H2BC12: variants seen among roughly 807,000 people sequenced by gnomAD.
H2BC12 encodes the protein histone H2B type 1-K.
In H2BC12, 6 loss-of-function variants were observed where a neutral mutation model predicts 6.3. The observed-to-expected ratio is 0.95, with a 90% confidence interval of 0.52 to 1.87. H2BC12 has a LOEUF of 1.87. Among genes scored for constraint, H2BC12 ranks in the 40% most tolerant of loss-of-function variants. The pLI is 0.01. For synonymous variants in H2BC12, 132 were observed against 78.5 expected (o/e 1.68, Z -3.60); for missense variants, 119 against 178.4 (o/e 0.67, Z 1.90).
downstream of H2BC12, among the ~76,000 whole-genome samples, chr6:27,145,770 T>C (rs1447911313): frequency 1.3e-5 from 2 of 152,228 alleles, no homozygotes; most frequent in African/African-American, 4.8e-5. Context: ...TGATTTCATG[T>C]TCCGTTTCTT....
At chr6:27,139,398 C>T in the H2BC12 span, 4 of 1,614,234 alleles carry the variant, frequency 2.5e-6, no homozygotes, top group Non-Finnish European at 3.4e-6. Context: ...TCCAGGGTAT[C>T]ACCAAGCCAG....
downstream of H2BC12, among the ~76,000 whole-genome samples, chr6:27,144,631 G>A (rs1426968766): frequency 6.6e-6 from 1 of 151,648 alleles, no homozygotes; most frequent in Non-Finnish European, 1.5e-5. Context: ...GAGCAAAAAG[G>A]ACTGAAAGTA....
chr6:27,139,200 G>C, the H2BC12 span: 1 of 1,268,582 alleles, frequency 7.9e-7, no homozygotes, highest in African/African-American at 1.5e-5. Flanking sequence ...CCAATGCAGA[G>C]GGACTTCCCG....
At chr6:27,139,524 C>T in the H2BC12 span, 1 of 1,614,192 alleles carries the variant, frequency 6.2e-7, no homozygotes, top group Non-Finnish European at 8.5e-7. Context: ...ACGCCGTGAC[C>T]TACACGGAGC....
downstream of H2BC12, among the ~76,000 whole-genome samples, chr6:27,145,623 T>A (rs930424253): frequency 6.6e-6 from 1 of 152,252 alleles, no homozygotes; most frequent in African/African-American, 2.4e-5. Flanking sequence ...GTCTGTCTGT[T>A]GTCTCCCCTC....
downstream of H2BC12, among the ~76,000 whole-genome samples, chr6:27,143,664 A>G (rs1760034406): frequency 6.6e-6 from 1 of 151,196 alleles, no homozygotes; most frequent in South Asian, 2.1e-4. Context: ...GTCCCTAACC[A>G]CAGTTAAATA....
the H2BC12 span, among the ~76,000 whole-genome samples, chr6:27,141,266 G>A: frequency 2.0e-5 from 3 of 151,642 alleles, no homozygotes; most frequent in African/African-American, 7.3e-5. Flanking sequence ...GGTGAAAGAG[G>A]AAAGTAATGC....
the H2BC12 span, chr6:27,139,132 AAGG>A: frequency 1.2e-4 from 70 of 595,710 alleles, no homozygotes; most frequent in Admixed American, 1.7e-4. Context: ...AAAAGGACTG[AAGG>A]AGAACAAGAG....
At chr6:27,139,163 G>C in the H2BC12 span, 1 of 785,178 alleles carries the variant, frequency 1.3e-6, no homozygotes. Flanking sequence ...AGCACAGCAG[G>C]CCTGTTTCCC....
rs774576935 is a variant in H2BC12 at position 27,146,553 on chromosome 6, C to T, written c.246G>A (p.Ala82=). Residue 82 remains alanine, a synonymous_variant, in exon 1 of 1, where the codon GCG becomes GCA. Transcript: ENST00000356950. ...ERIAGEASRL[A]HYNKRSTITS... The stretch of plus-strand genomic sequence containing the variant: ...TGATGGTCGAGCGCTTGTTGTAATG[C>T]GCCAGGCGGGAAGCCTCACCCGCGA... 5.6e-6 allele frequency: 9 copies of T among 1,614,210 alleles called. No homozygotes were observed. The highest frequency in any genetic ancestry group is 2.2e-5 in the South Asian group (2 of 91,088).
chr6:27,142,632 C>A (rs1360018905), downstream of H2BC12, among the ~76,000 whole-genome samples: 4 of 125,926 alleles, frequency 3.2e-5, no homozygotes, highest in East Asian at 8.3e-4. Context: ...ACATTCCCCC[C>A]CTCCTTTTTT....
chr6:27,145,581 C>T (rs528689956), downstream of H2BC12, among the ~76,000 whole-genome samples: 17 of 152,312 alleles, frequency 1.1e-4, no homozygotes, highest in African/African-American at 3.8e-4. Context: ...CTCCTCTACT[C>T]CAACTTCTTG....
At chr6:27,139,602 CTA>C in the H2BC12 span, 5 of 1,611,124 alleles carry the variant, frequency 3.1e-6, no homozygotes, top group African/African-American at 1.3e-5. Context: ...GCCGCACCCT[CTA>C]TGGCTTCGGC....
chr6:27,146,556 CA>C lies in H2BC12; in HGVS notation c.242del (p.Leu81ArgfsTer51). 6.2e-7 allele frequency: 1 copy of C among 1,614,230 alleles called. No homozygotes were observed. The highest frequency in any genetic ancestry group is 8.5e-7 in the Non-Finnish European group (1 of 1,180,054). ...FERIAGEASR[L>X]AHYNKRSTIT... ...TGGTCGAGCGCTTGTTGTAATGCGC[CA>C]GGCGGGAAGCCTCACCCGCGATGCG... On this transcript the variant is annotated frameshift_variant, in exon 1 of 1. Transcript: ENST00000356950. LOFTEE classifies it high-confidence loss of function.
downstream of H2BC12, among the ~76,000 whole-genome samples, chr6:27,141,495 T>C (rs1423766368): frequency 2.0e-5 from 3 of 152,176 alleles, no homozygotes; most frequent in East Asian, 3.8e-4. Context: ...GCCCCGAACA[T>C]ACACTCACTC....
chr6:27,143,971 C>T (rs2113649148), downstream of H2BC12, among the ~76,000 whole-genome samples: 1 of 151,598 alleles, frequency 6.6e-6, no homozygotes, highest in Admixed American at 6.6e-5. Context: ...TATTTTTGCT[C>T]CAAATTAAGT....
At chr6:27,139,834 C>T in the H2BC12 span, 42 of 709,748 alleles carry the variant, frequency 5.9e-5, no homozygotes, top group African/African-American at 7.5e-4. Context: ...GCCAGAAGAG[C>T]CTCTGCTGGC....
At chr6:27,139,581 C>T in the H2BC12 span, 3 of 1,613,808 alleles carry the variant, frequency 1.9e-6, no homozygotes, top group South Asian at 2.2e-5. Flanking sequence ...TCTACGCGCT[C>T]AAGCGCCAGG....
Position 27,146,424 on chromosome 6 carries a change from A to G in H2BC12, c.375T>C (p.Ala125=), listed in dbSNP as rs1402090008. The change falls in exon 1 of 1, where the codon GCT becomes GCC. Residue 125 remains alanine (A), a synonymous_variant. Transcript: ENST00000356950. ...AGACGCTTACTTGGCAAGTTTACTTAGCGCTGGTGTACTTGGTGACGGCCT... is the reference window on the plus strand; with the variant it reads ...AGACGCTTACTTGGCAAGTTTACTTGGCGCTGGTGTACTTGGTGACGGCCT... ...GTKAVTKYTS[A]K The G allele has an allele frequency of 6.2e-7, 1 of 1,614,250 alleles. No individual in the cohort carries two copies. Among genetic ancestry groups the G allele is most frequent in the Non-Finnish European group, 8.5e-7 (1 of 1,180,044 alleles).
Sources: allele counts gnomAD v4.1 joint callset (sites outside exome capture counted in the v4.1 genomes callset), GRCh38; gene constraint gnomAD v4.1.1; transcripts MANE v1.5; gene names NCBI Gene and HGNC (gene_info 2026-07-23, HGNC 2026-07-21).